PPP3CA: variants seen among roughly 807,000 people sequenced by gnomAD.
PPP3CA encodes the protein CAM-PRP catalytic subunit.
PPP3CA carries 14 observed loss-of-function variants against 66.5 expected under a neutral mutation model. That is an observed-to-expected ratio of 0.21 (90% confidence interval 0.14 to 0.33). The LOEUF (loss-of-function observed/expected upper bound fraction) is 0.33, where lower values mean the gene tolerates loss of function less well. Ranked by LOEUF, PPP3CA falls within the 10% of genes least tolerant of loss-of-function variation. The probability of loss-of-function intolerance (pLI) is 1.00; values close to 1 mark genes in which losing one functional copy is unlikely to be tolerated. For missense variants in PPP3CA, 317 were observed against 639.5 expected (o/e 0.50, Z 5.44); for synonymous variants, 232 against 226.2 (o/e 1.03, Z -0.23).
chr4:101,093,140 G>A (rs1393011931), intron 6 of PPP3CA, among the ~76,000 whole-genome samples: 2 of 151,998 alleles, frequency 1.3e-5, no homozygotes, highest in African/African-American at 2.4e-5. Flanking sequence ...TTTAATGATC[G>A]CCATTCTAAC....
intron 1 of PPP3CA, among the ~76,000 whole-genome samples, chr4:101,271,522 T>C (rs1727336429): frequency 6.6e-6 from 1 of 152,144 alleles, no homozygotes; most frequent in Non-Finnish European, 1.5e-5. Context: ...GGTAAGCCAG[T>C]ACAGTAAGAA....
At chr4:101,193,235 T>A (rs150122617) in intron 2 of PPP3CA, among the ~76,000 whole-genome samples, 1,601 of 152,336 alleles carry the variant, frequency 0.011, 22 homozygotes, top group Non-Finnish European at 0.012. Flanking sequence ...GGTAAATGTA[T>A]AATAAACATT....
At chr4:101,248,984 C>A (rs1166208141) in intron 1 of PPP3CA, among the ~76,000 whole-genome samples, 1 of 151,234 alleles carries the variant, frequency 6.6e-6, no homozygotes, top group Non-Finnish European at 1.5e-5. Flanking sequence ...CAAGGTGAAA[C>A]CCCGTCTCTA....
intron 8 of PPP3CA, among the ~76,000 whole-genome samples, chr4:101,065,726 T>A (rs1728653615): frequency 6.6e-6 from 1 of 152,134 alleles, no homozygotes; most frequent in African/African-American, 2.4e-5. Context: ...CTAGCTGTTA[T>A]AATAATTTAA....
intron 6 of PPP3CA, among the ~76,000 whole-genome samples, chr4:101,090,831 T>C (rs948521370): frequency 3.3e-5 from 5 of 149,886 alleles, no homozygotes; most frequent in Non-Finnish European, 7.4e-5. Flanking sequence ...CCGTAATATA[T>C]AGACATATCT....
intron 1 of PPP3CA, among the ~76,000 whole-genome samples, chr4:101,338,257 G>A (rs1162556185): frequency 6.6e-6 from 1 of 152,150 alleles, no homozygotes; most frequent in African/African-American, 2.4e-5. Flanking sequence ...TGGCTACCGA[G>A]CAAAATCCAT....
At chr4:101,242,337 A>T (rs1406210711) in intron 1 of PPP3CA, among the ~76,000 whole-genome samples, 3 of 152,156 alleles carry the variant, frequency 2.0e-5, no homozygotes, top group Non-Finnish European at 4.4e-5. Flanking sequence ...GACACAAAAC[A>T]TACTTATGTG....
intron 1 of PPP3CA, among the ~76,000 whole-genome samples, chr4:101,268,656 C>T (rs528221248): frequency 6.2e-4 from 94 of 152,156 alleles, no homozygotes; most frequent in South Asian, 1.0e-3. Flanking sequence ...AAGGAAGATT[C>T]GCAGCCTATA....
intron 5 of PPP3CA, among the ~76,000 whole-genome samples, chr4:101,097,766 T>C (rs543618973): frequency 2.3e-4 from 35 of 152,316 alleles, no homozygotes; most frequent in African/African-American, 7.7e-4. Flanking sequence ...CCACATTCAA[T>C]GTAACTCATC....
chr4:101,209,654 T>C (rs1725241222), intron 1 of PPP3CA, among the ~76,000 whole-genome samples: 1 of 152,182 alleles, frequency 6.6e-6, no homozygotes, highest in South Asian at 2.1e-4. Context: ...GAAGTGTATA[T>C]GAATAGACAT....
At chr4:101,103,264 CA>C (rs2110257614) in intron 3 of PPP3CA, among the ~76,000 whole-genome samples, 1 of 152,260 alleles carries the variant, frequency 6.6e-6, no homozygotes, top group African/African-American at 2.4e-5. Flanking sequence ...ACATATTAAT[CA>C]GCTCTTTAAA....
At chr4:101,339,232 G>T (rs1342978000) in intron 1 of PPP3CA, among the ~76,000 whole-genome samples, 1 of 151,954 alleles carries the variant, frequency 6.6e-6, no homozygotes, top group Non-Finnish European at 1.5e-5. Flanking sequence ...TTTCCAATTT[G>T]TTCTTTTTCA....
intron 1 of PPP3CA, among the ~76,000 whole-genome samples, chr4:101,255,292 T>C (rs1726804886): frequency 6.6e-6 from 1 of 151,952 alleles, no homozygotes; most frequent in Non-Finnish European, 1.5e-5. Flanking sequence ...AAAATCTTCC[T>C]AATTTCTTAT....
intron 2 of PPP3CA, among the ~76,000 whole-genome samples, chr4:101,147,991 CA>C (rs538236018): frequency 2.7e-4 from 41 of 152,198 alleles, no homozygotes; most frequent in African/African-American, 9.6e-4. Context: ...CAGGTAATTT[CA>C]CTGGTCTAGG....
intron 1 of PPP3CA, among the ~76,000 whole-genome samples, chr4:101,232,876 C>T (rs1451411898): frequency 2.0e-5 from 3 of 151,424 alleles, no homozygotes; most frequent in Admixed American, 2.0e-4. Flanking sequence ...TTCTGGTATT[C>T]TAACAACAGA....
chr4:101,245,430 A>C (rs535427855), intron 1 of PPP3CA, among the ~76,000 whole-genome samples: 1 of 152,250 alleles, frequency 6.6e-6, no homozygotes, highest in South Asian at 2.1e-4. Flanking sequence ...GTACGCTTTT[A>C]CCATTACTTT....
chr4:101,043,454 A>C (rs1727618621), intron 10 of PPP3CA, among the ~76,000 whole-genome samples: 1 of 152,128 alleles, frequency 6.6e-6, no homozygotes, highest in African/African-American at 2.4e-5. Flanking sequence ...TTTCAGATAA[A>C]ATGAATGATT....
intron 1 of PPP3CA, among the ~76,000 whole-genome samples, chr4:101,228,057 A>C (rs2659524): frequency 1.3e-5 from 2 of 151,542 alleles, no homozygotes; most frequent in Admixed American, 6.6e-5. Context: ...AAGCTACCCA[A>C]GATGGAATAA....
At chr4:101,221,385 A>C (rs1447700489) in intron 1 of PPP3CA, among the ~76,000 whole-genome samples, 2 of 151,572 alleles carry the variant, frequency 1.3e-5, no homozygotes, top group Non-Finnish European at 3.0e-5. Context: ...ATCTATTTCA[A>C]ATGTTTCTAA....
Sources: gnomAD v4.1 joint callset for allele counts (sites outside exome capture counted in the v4.1 genomes callset) on GRCh38, gnomAD v4.1.1 for gene constraint, MANE v1.5 for transcripts, NCBI Gene and HGNC (gene_info 2026-07-23, HGNC 2026-07-21) for gene names.